Variants in LMO7 observed in about 807,000 individuals in gnomAD.
LMO7 encodes LIM domain 7.
LMO7 carries 120 observed loss-of-function variants against 206.5 expected under a neutral mutation model. The observed-to-expected ratio is 0.58, with a 90% CI of 0.50 to 0.68. The LOEUF is 0.68. LMO7 is among the 30% of genes least tolerant of loss of function. The pLI is 0.00. For synonymous variants in LMO7, 706 were observed against 681.5 expected (o/e 1.04, Z -0.56); for missense variants, 1,959 against 1,957.9 (o/e 1.00, Z -0.01).
chr13:75,785,568 A>G (rs894514791), intron 4 of LMO7, among the ~76,000 whole-genome samples: 1 of 152,204 alleles, frequency 6.6e-6, no homozygotes, highest in African/African-American at 2.4e-5. Context: ...TAAGATTTTT[A>G]AACTGTTCTG....
At chr13:75,709,706 G>T (rs564428995) in intron 1 of LMO7, among the ~76,000 whole-genome samples, 3 of 152,258 alleles carry the variant, frequency 2.0e-5, no homozygotes, top group African/African-American at 4.8e-5. Flanking sequence ...TTAGCCCTTT[G>T]TCAGATGAGT....
Position 75,841,904 on chromosome 13 carries a change from C to T in LMO7, c.3952C>T (p.Gln1318Ter). ...GCGGCTTCAGGCTGAGGCTGAGGAGCAGAAGCGTCCTGCGGAGGAGCAGAA... is the reference window on the plus strand; with the variant it reads ...GCGGCTTCAGGCTGAGGCTGAGGAGTAGAAGCGTCCTGCGGAGGAGCAGAA... ...QKRLQAEAEE[Q>*]KRPAEEQKRQ... The change falls in exon 24 of 31, where the codon CAG becomes TAG. Residue 1318 changes from glutamine to a stop codon, truncating the protein, a stop_gained. Transcript: ENST00000377534. LOFTEE classifies it high-confidence loss of function. 1.2e-6 allele frequency: 2 copies of T among 1,613,822 alleles called. No homozygotes were observed. Among genetic ancestry groups the T allele is most frequent in the South Asian group, 1.1e-5 (1 of 91,064 alleles).
chr13:75,667,752 TG>T (rs1382837107), intron 1 of LMO7, among the ~76,000 whole-genome samples: 3 of 152,232 alleles, frequency 2.0e-5, no homozygotes, highest in Non-Finnish European at 4.4e-5. Flanking sequence ...TGGAACATCT[TG>T]GAGTCTCTCT....
intron 1 of LMO7, among the ~76,000 whole-genome samples, chr13:75,682,532 G>T (rs1248024791): frequency 6.6e-6 from 1 of 152,160 alleles, no homozygotes; most frequent in African/African-American, 2.4e-5. Context: ...GTATACATGG[G>T]CTTTCTTATC....
At chr13:75,655,961 C>A (rs961936084) in intron 1 of LMO7, among the ~76,000 whole-genome samples, 2 of 152,112 alleles carry the variant, frequency 1.3e-5, no homozygotes, top group Non-Finnish European at 2.9e-5. Context: ...AGTGAATCTG[C>A]AGCAAGTCCT....
upstream of LMO7, among the ~76,000 whole-genome samples, chr13:75,634,612 G>C (rs900077852): frequency 6.6e-6 from 1 of 152,102 alleles, no homozygotes; most frequent in Non-Finnish European, 1.5e-5. Context: ...GCGTGGTGAC[G>C]GGCGCCTGTA....
At chr13:75,723,642 A>G (rs1218294966) in intron 2 of LMO7, among the ~76,000 whole-genome samples, 1 of 152,154 alleles carries the variant, frequency 6.6e-6, no homozygotes, top group Non-Finnish European at 1.5e-5. Flanking sequence ...TTCTGAATTG[A>G]GTTATATTTA....
intron 1 of LMO7, among the ~76,000 whole-genome samples, chr13:75,680,884 A>G: frequency 6.6e-6 from 1 of 151,934 alleles, no homozygotes; most frequent in East Asian, 1.9e-4. Context: ...CTGGTATCTC[A>G]TTGTGGTTTT....
intron 20 of LMO7, chr13:75,838,421 C>G (rs1188378919): frequency 1.1e-6 from 1 of 871,204 alleles, no homozygotes; most frequent in East Asian, 5.6e-5. Flanking sequence ...TTGTATACCT[C>G]TAAACATTTT....
At chr13:75,856,840 G>A in intron 30 of LMO7, 1 of 398,358 alleles carries the variant, frequency 2.5e-6, no homozygotes, top group Non-Finnish European at 4.6e-6. Context: ...GAGGAACAGT[G>A]TCCAAAAGTC....
intron 1 of LMO7, among the ~76,000 whole-genome samples, chr13:75,682,174 AT>A (rs1365964347): frequency 1.3e-5 from 2 of 152,178 alleles, no homozygotes; most frequent in Non-Finnish European, 2.9e-5. Flanking sequence ...AATTTTAGCC[AT>A]TCTTAAAGGT....
intron 28 of LMO7, 122 bp downstream of exon 28, chr13:75,853,510 A>G (rs139837130): frequency 2.1e-5 from 18 of 872,930 alleles, no homozygotes; most frequent in East Asian, 8.1e-5. Context: ...GAATGTGTCA[A>G]ATTTGGTATT....
chr13:75,661,579 G>A (rs766108195), intron 1 of LMO7, among the ~76,000 whole-genome samples: 4 of 152,162 alleles, frequency 2.6e-5, no homozygotes, highest in Non-Finnish European at 4.4e-5. Flanking sequence ...TCCAGAAAAA[G>A]TAGATAAGTC....
At chr13:75,797,276 G>T (rs1192218478) in intron 6 of LMO7, among the ~76,000 whole-genome samples, 1 of 152,122 alleles carries the variant, frequency 6.6e-6, no homozygotes, top group Non-Finnish European at 1.5e-5. Flanking sequence ...TTGATGTAAG[G>T]TTTTTAATTT....
At chr13:75,789,847 T>A (rs1467982588) in intron 4 of LMO7, among the ~76,000 whole-genome samples, 1 of 152,156 alleles carries the variant, frequency 6.6e-6, no homozygotes, top group Non-Finnish European at 1.5e-5. Flanking sequence ...TATAATCTCA[T>A]CCATTAGCAC....
intron 30 of LMO7, 181 bp from the exon 31 acceptor site, chr13:75,857,735 TACAAA>T (rs973440318): frequency 1.5e-4 from 59 of 403,834 alleles, no homozygotes; most frequent in Admixed American, 4.4e-5. Flanking sequence ...ACTCCATTTT[TACAAA>T]TAAAGAATTC....
intron 6 of LMO7, 57 bp from the exon 7 acceptor site, chr13:75,800,627 A>G (rs2054610731): frequency 1.3e-5 from 19 of 1,481,708 alleles, no homozygotes; most frequent in Non-Finnish European, 1.5e-5. Flanking sequence ...TAACCGATTG[A>G]TTATATTTTT....
chr13:75,652,582 A>G (rs559643072), intron 1 of LMO7, among the ~76,000 whole-genome samples: 239 of 151,906 alleles, frequency 1.6e-3, no homozygotes, highest in Non-Finnish European at 2.7e-3. Context: ...ACAGAAATGC[A>G]TAGCCAGTTC....
chr13:75,666,648 A>G (rs1016676402), intron 1 of LMO7, among the ~76,000 whole-genome samples: 1 of 152,198 alleles, frequency 6.6e-6, no homozygotes, highest in Non-Finnish European at 1.5e-5. Flanking sequence ...ATAATTCCAC[A>G]TAAACAAAAG....
Sources: gnomAD v4.1 joint callset for allele counts (sites outside exome capture counted in the v4.1 genomes callset) on GRCh38, gnomAD v4.1.1 for gene constraint, MANE v1.5 for transcripts, NCBI Gene and HGNC (gene_info 2026-07-23, HGNC 2026-07-21) for gene names.